The following CDC25C variants were observed in gnomAD, a reference collection of about 807,000 sequenced individuals.
CDC25C encodes the protein cell division cycle 25C.
Under a neutral mutation model 52.5 loss-of-function variants are expected in CDC25C, and 48 were observed. That is an observed-to-expected ratio of 0.91 (90% CI 0.72 to 1.16). The LOEUF (loss-of-function observed/expected upper bound fraction) is 1.16, where lower values mean the gene tolerates loss of function less well. CDC25C is among the 50% of genes most tolerant of loss of function. The pLI is 0.00. For synonymous variants in CDC25C, 187 were observed against 206.5 expected (o/e 0.91, Z 0.81); for missense variants, 510 against 566.1 (o/e 0.90, Z 1.01).
intron 7 of CDC25C, among the ~76,000 whole-genome samples, chr5:138,299,193 G>GA (rs1161142032): frequency 0.29 from 21,855 of 74,758 alleles, 3,511 homozygotes; most frequent in South Asian, 0.39. Flanking sequence ...ACTCTGTCTG[G>GA]AAAAAAAAAA....
chr5:138,287,373 G>T, intron 10 of CDC25C, 106 bp from the exon 11 acceptor site: 1 of 693,208 alleles, frequency 1.4e-6, no homozygotes, highest in Non-Finnish European at 2.5e-6. Context: ...TCCACTGTAT[G>T]TCCAGCCTCC....
intron 7 of CDC25C, among the ~76,000 whole-genome samples, chr5:138,295,344 C>T (rs760544847): frequency 1.3e-5 from 2 of 152,210 alleles, no homozygotes; most frequent in Non-Finnish European, 1.5e-5. Context: ...GGCATGGTAG[C>T]TCACACCTGT....
intron 6 of CDC25C, among the ~76,000 whole-genome samples, chr5:138,324,981 A>G (rs1359406716): frequency 6.6e-6 from 1 of 151,902 alleles, no homozygotes; most frequent in Non-Finnish European, 1.5e-5. Flanking sequence ...GAGGAACAAG[A>G]ATCACTTGAA....
intron 4 of CDC25C, among the ~76,000 whole-genome samples, chr5:138,326,636 C>T (rs1309474468): frequency 1.3e-5 from 2 of 152,126 alleles, no homozygotes; most frequent in Admixed American, 6.5e-5. Context: ...CCACCGCACC[C>T]GGCCGGGGCT....
intron 10 of CDC25C, among the ~76,000 whole-genome samples, 189 bp from the exon 11 acceptor site, chr5:138,287,456 C>T (rs11568006): frequency 3.9e-5 from 6 of 152,142 alleles, no homozygotes; most frequent in Non-Finnish European, 8.8e-5. Flanking sequence ...CAGGAAGTGG[C>T]CCTTTTAGAG....
At chr5:138,306,486 T>TATA (rs1177545871) in intron 7 of CDC25C, among the ~76,000 whole-genome samples, 1 of 151,994 alleles carries the variant, frequency 6.6e-6, no homozygotes, top group Non-Finnish European at 1.5e-5. Context: ...TTATTATTAT[T>TATA]ATATTTTGAG....
rs761679863 is a variant in CDC25C at position 138,292,074 on chromosome 5, T to A, written c.658A>T (p.Asn220Tyr). 6.2e-7 allele frequency: 1 copy of A among 1,613,300 alleles called. No homozygotes were observed. The highest frequency in any genetic ancestry group is 8.5e-7 in the Non-Finnish European group (1 of 1,179,654). ...GLYRSPSMPE[N>Y]LNRPRLKQVE... ...TGCTTCAGTCTTGGCCTGTTCAAGTTCTCTGGCATCGACGGGGAGCGATAT... is the reference window on the plus strand; with the variant it reads ...TGCTTCAGTCTTGGCCTGTTCAAGTACTCTGGCATCGACGGGGAGCGATAT... Residue 220 changes from asparagine (N) to tyrosine (Y), a missense_variant, in exon 8 of 14, where the codon AAC (asparagine) becomes TAC (tyrosine). By Grantham distance (143) the Asn-to-Tyr change is moderately radical (BLOSUM62 -2). Coordinates refer to ENST00000323760, the MANE Select transcript of CDC25C (RefSeq NM_001790.5).
intron 1 of CDC25C, chr5:138,337,745 C>T (rs1760811650): frequency 4.0e-5 from 14 of 348,834 alleles, no homozygotes; most frequent in South Asian, 3.1e-4. Flanking sequence ...CCCTAATCCG[C>T]GCTTGGACCA....
At chr5:138,333,189 T>G (rs1018951196), upstream of CDC25C, among the ~76,000 whole-genome samples, 3 of 152,152 alleles carry the variant, frequency 2.0e-5, no homozygotes, top group Non-Finnish European at 2.9e-5. Flanking sequence ...ATAATAAAAA[T>G]GTTCAAAATA....
At chr5:138,313,077 TACAGC>T in intron 7 of CDC25C, among the ~76,000 whole-genome samples, 1 of 151,902 alleles carries the variant, frequency 6.6e-6, no homozygotes, top group Admixed American at 6.6e-5. Context: ...GTTTATGGGG[TACAGC>T]ATTTCTGCTT....
At chr5:138,294,326 G>A (rs1479794900) in intron 7 of CDC25C, among the ~76,000 whole-genome samples, 2 of 151,530 alleles carry the variant, frequency 1.3e-5, no homozygotes, top group Non-Finnish European at 2.9e-5. Context: ...CGAGTAGCTG[G>A]GATTACAGGT....
In CDC25C at chr5:138,292,064, C is replaced by T; in HGVS notation, c.668G>A (p.Arg223Lys). The T allele has an allele frequency of 1.2e-6, 2 of 1,613,266 alleles. No individual in the cohort carries two copies. Among genetic ancestry groups the T allele is most frequent in the South Asian group, 1.1e-5 (1 of 90,932 alleles). ...TTTTTCCACCTGCTTCAGTCTTGGC[C>T]TGTTCAAGTTCTCTGGCATCGACGG... Reference protein sequence around the residue: ...RSPSMPENLNRPRLKQVEKFK... With the variant: ...RSPSMPENLNKPRLKQVEKFK... The change falls in exon 8 of 14, where the codon AGG becomes AAG. Residue 223 changes from arginine to lysine, a missense_variant. By Grantham distance (26) the Arg-to-Lys change is conservative. Coordinates refer to ENST00000323760, the MANE Select transcript of CDC25C (RefSeq NM_001790.5).
chr5:138,326,125 G>T, intron 4 of CDC25C, 71 bp from the exon 5 acceptor site: 2 of 1,496,640 alleles, frequency 1.3e-6, no homozygotes, highest in African/African-American at 1.4e-5. Flanking sequence ...GTGGATTGGT[G>T]CATCCCAACA....
chr5:138,306,960 C>T (rs916262107), intron 7 of CDC25C, among the ~76,000 whole-genome samples: 2 of 151,642 alleles, frequency 1.3e-5, no homozygotes, highest in African/African-American at 2.4e-5. Flanking sequence ...TTTCCTTCCT[C>T]GGGCTCTTTA....
chr5:138,335,114 C>T (rs1436270896), upstream of CDC25C: 2 of 152,380 alleles, frequency 1.3e-5, no homozygotes, highest in Non-Finnish European at 2.9e-5. Flanking sequence ...GGGCTTCACC[C>T]TGAAACACCA....
chr5:138,331,058 G>A lies in CDC25C; in HGVS notation c.123C>T (p.Val41=), dbSNP rs1223517389. ...CTGGAGTTCTAGGGACATCTGGACAGACGGTAAAGGAAGTGTCTCTCTCCA... is the reference window on the plus strand; with the variant it reads ...CTGGAGTTCTAGGGACATCTGGACAAACGGTAAAGGAAGTGTCTCTCTCCA... The part of the protein sequence containing the change: ...LLLERDTSFT[V]CPDVPRTPVG... Residue 41 remains valine, a synonymous_variant, in exon 2 of 14, where the codon GTC becomes GTT. Coordinates refer to ENST00000323760, the MANE Select transcript of CDC25C (RefSeq NM_001790.5). 3 of 1,614,076 alleles carry A rather than the reference G, an allele frequency of 1.9e-6. No homozygotes were observed. The highest frequency in any genetic ancestry group is 1.3e-5 in the African/African-American group (1 of 74,936).
rs1236605683 is a variant in CDC25C at position 138,337,953 on chromosome 5, T to C, written c.13+3A>G. The C allele has an allele frequency of 6.2e-6, 8 of 1,289,084 alleles. No homozygotes were observed. In the Admixed American group the frequency reaches 1.8e-4, roughly 30 times the overall value. 79.9% of individuals were successfully genotyped at this position (1,289,084 alleles called of 1,614,324 possible). The stretch of plus-strand genomic sequence containing the variant: ...GGAGGGCAGGGGCGATGCCTTTGTT[T>C]ACCTTCTTCCGACATGGCCTCCCCC... On this transcript the variant is annotated splice_donor_region_variant and intron_variant, in intron 1 of 5. Coordinates refer to the CDC25C transcript ENST00000510119.
intron 7 of CDC25C, among the ~76,000 whole-genome samples, chr5:138,306,907 G>A (rs941801008): frequency 1.3e-5 from 2 of 151,212 alleles, no homozygotes; most frequent in Admixed American, 6.6e-5. Context: ...GCAGCGGCAC[G>A]ATCTCAGCTC....
intron 7 of CDC25C, among the ~76,000 whole-genome samples, chr5:138,312,068 G>A (rs1758494304): frequency 6.6e-6 from 1 of 152,168 alleles, no homozygotes; most frequent in Non-Finnish European, 1.5e-5. Flanking sequence ...GCTATGATAT[G>A]GAGAAACTGA....
Sources: gnomAD v4.1 joint callset for allele counts (sites outside exome capture counted in the v4.1 genomes callset) on GRCh38, gnomAD v4.1.1 for gene constraint, MANE v1.5 for transcripts, NCBI Gene and HGNC (gene_info 2026-07-23, HGNC 2026-07-21) for gene names.